APOC1: variants seen among roughly 807,000 people sequenced by gnomAD.
The protein encoded by APOC1 is apolipoprotein C1.
A neutral mutation model predicts 6.7 loss-of-function variants in APOC1; 4 were observed. The observed-to-expected ratio is 0.60, with a 90% CI of 0.29 to 1.37. APOC1 has a LOEUF of 1.37. APOC1 is among the 40% of genes most tolerant of loss of function. The pLI is 0.09. For synonymous variants in APOC1, 33 were observed against 40.6 expected, an observed-to-expected ratio of 0.81 and a Z score of 0.72; for missense variants, 122 against 99.4, an observed-to-expected ratio of 1.23 and a Z score of -0.97.
At position 44,916,140 on chromosome 19, in the gene APOC1, A is replaced by AAAAAAAAC. The variant is rs1969999704; in HGVS notation, c.59-43_59-42insCAAAAAAA. On this transcript the variant is annotated intron_variant, in intron 2 of 3. Transcript: ENST00000592535. ...CTACAGAGCAAGACTCCATCTCCAA[A>AAAAAAAAC]AAAAAAAAAAAAAAAACAAATTTTG... 5 of 1,312,056 alleles carry AAAAAAAAC rather than the reference A, an allele frequency of 3.8e-6. 1 individual carries two copies. The African/African-American group carries it at 4.7e-5, about 12-fold the overall frequency. 81.3% of individuals were successfully genotyped at this position (1,312,056 alleles called of 1,614,324 possible).
At chr19:44,914,797 TGAG>T (rs1399989809) in intron 1 of APOC1, 64 bp downstream of exon 1, 13 of 1,287,686 alleles carry the variant, frequency 1.0e-5, no homozygotes, top group Middle Eastern at 2.2e-4. Flanking sequence ...AAAAGGGAGA[TGAG>T]GGGATCGTGG....
At position 44,919,217 on chromosome 19, in the gene APOC1, A is replaced by G; in HGVS notation, c.239A>G (p.Lys80Arg). ...ETFQKVKEKL[K>R]IDS is the part of the protein sequence containing the mutation. ...TTTCAGAAAGTGAAGGAGAAACTCAAGATTGACTCATGAGGACCTGAAGGG... is the reference window on the plus strand; with the variant it reads ...TTTCAGAAAGTGAAGGAGAAACTCAGGATTGACTCATGAGGACCTGAAGGG... Residue 80 changes from lysine to arginine, a missense_variant, in exon 4 of 4, where the codon AAG (lysine) becomes AGG (arginine). Coordinates refer to ENST00000592535, the MANE Select transcript of APOC1 (RefSeq NM_001645.5). 1.2e-6 allele frequency: 2 copies of G among 1,613,918 alleles called. No individual in the cohort carries two copies. Among genetic ancestry groups the G allele is most frequent in the Non-Finnish European group, 1.7e-6 (2 of 1,179,812 alleles).
chr19:44,916,184 TGGCA>T lies in APOC1; in HGVS notation c.59-2_60del. The stretch of plus-strand genomic sequence containing the variant: ...AATTTTGAACCCCTGCCCATCTTCC[TGGCA>T]GGCCCAGCCCCAGCCCAGGGGACCC... On this transcript the variant is annotated splice_acceptor_variant and splice_polypyrimidine_tract_variant and intron_variant, in intron 2 of 3. Coordinates refer to ENST00000592535, the MANE Select transcript of APOC1 (RefSeq NM_001645.5). LOFTEE classifies it high-confidence loss of function. The T allele has an allele frequency of 7.3e-7, 1 of 1,370,014 alleles. No homozygotes were observed. The highest frequency in any genetic ancestry group is 9.8e-7 in the Non-Finnish European group (1 of 1,023,808). 84.9% of individuals were successfully genotyped at this position (1,370,014 alleles called of 1,614,324 possible).
chr19:44,916,778 C>T (rs906542947), intron 3 of APOC1, among the ~76,000 whole-genome samples: 1 of 141,556 alleles, frequency 7.1e-6, no homozygotes, highest in Admixed American at 7.5e-5. Flanking sequence ...CAACATTGTG[C>T]CAGCCTGGGT....
chr19:44,918,997 C>T, intron 3 of APOC1, 176 bp from the exon 4 acceptor site: 1 of 677,624 alleles, frequency 1.5e-6, no homozygotes, highest in Non-Finnish European at 2.7e-6. Flanking sequence ...TTTGGTCCAT[C>T]TGGGAAACTG....
In APOC1 at chr19:44,916,292, G is replaced by A. The variant is rs369438021; in HGVS notation, c.161G>A (p.Arg54His). 1.1e-5 allele frequency: 18 copies of A among 1,613,778 alleles called. No homozygotes were observed. The highest frequency in any genetic ancestry group is 2.7e-5 in the African/African-American group (2 of 74,830). The change falls in exon 3 of 4, where the codon CGC (arginine) becomes CAC (histidine). Residue 54 changes from arginine to histidine, a missense_variant. By Grantham distance (29) the Arg-to-His change is conservative. Coordinates refer to ENST00000592535, the MANE Select transcript of APOC1 (RefSeq NM_001645.5). The stretch of plus-strand genomic sequence containing the variant: ...GACAAGGCTCGGGAACTCATCAGCC[G>A]CATCAAACAGAGTGAACTTTCTGCC... ...LEDKARELIS[R>H]IKQSELSAKM...
At chr19:44,914,787 A>T (rs986304967) in intron 1 of APOC1, 54 bp downstream of exon 1, 2 of 1,216,788 alleles carry the variant, frequency 1.6e-6, no homozygotes, top group Non-Finnish European at 2.4e-6. Flanking sequence ...AAGAAACTCA[A>T]AAAGGGAGAT....
chr19:44,917,192 A>G (rs1970025117), intron 3 of APOC1, among the ~76,000 whole-genome samples: 1 of 152,210 alleles, frequency 6.6e-6, no homozygotes, highest in Admixed American at 6.6e-5. Context: ...TCAGTATATC[A>G]TGAAACCCAC....
At chr19:44,916,438 A>G (rs1299030094) in intron 3 of APOC1, 113 bp downstream of exon 3, 2 of 1,393,062 alleles carry the variant, frequency 1.4e-6, no homozygotes, top group Non-Finnish European at 9.8e-7. Context: ...AGAGGCTGAC[A>G]ACATCCCTCT....
Position 44,914,656 on chromosome 19 carries a change from C to T in APOC1, c.-98C>T, listed in dbSNP as rs1244819677. ...AGGAGGGAGATCAACATCAACCTGC[C>T]CCGCCCCCTCCCCAGCCTGATAAAG... is the stretch of plus-strand genomic sequence containing the variant. On this transcript the variant is annotated 5_prime_UTR_variant, in exon 1 of 4. Transcript: ENST00000592535. 1 of 551,698 alleles carries T rather than the reference C, an allele frequency of 1.8e-6. No homozygotes were observed. Among genetic ancestry groups the T allele is most frequent in the Non-Finnish European group, 3.3e-6 (1 of 306,064 alleles). The allele number at this position is 551,698 out of a possible 1,614,324, so 34.2% of individuals were successfully genotyped here.
At position 44,914,702 on chromosome 19, in the gene APOC1, C is replaced by T; in HGVS notation, c.-52C>T. ...TAAAGGTCCTGCGGGCAGGACAGGA[C>T]CTCCCAACCAAGCCCTCCAGCAAGG... On this transcript the variant is annotated 5_prime_UTR_variant, in exon 1 of 4. Transcript: ENST00000592535. 1.7e-6 allele frequency: 1 copy of T among 602,700 alleles called. No individual in the cohort carries two copies. The highest frequency in any genetic ancestry group is 1.8e-5 in the African/African-American group (1 of 54,160). The allele number at this position is 602,700 out of a possible 1,614,324, so 37.3% of individuals were successfully genotyped here. A position where few individuals can be genotyped will look rare whatever the true frequency, so the allele number is the denominator to read the frequency against.
rs376127005 is a variant in APOC1 at position 44,916,137 on chromosome 19, CAAAAA to C, written c.59-38_59-34del. On this transcript the variant is annotated intron_variant, in intron 2 of 3. Coordinates refer to ENST00000592535, the MANE Select transcript of APOC1 (RefSeq NM_001645.5). ...GGGCTACAGAGCAAGACTCCATCTC[CAAAAA>C]AAAAAAAAAAAAAACAAATTTTGAA... 3.2e-4 allele frequency: 288 copies of C among 899,878 alleles called. 1 individual carries two copies. The highest frequency in any genetic ancestry group is 2.0e-3 in the Admixed American group (40 of 20,040). The allele number at this position is 899,878 out of a possible 1,614,324, so 55.7% of individuals were successfully genotyped here. A position where few individuals can be genotyped will look rare whatever the true frequency, so the allele number is the denominator to read the frequency against.
At chr19:44,918,244 G>T (rs1246189642) in intron 3 of APOC1, among the ~76,000 whole-genome samples, 1 of 151,076 alleles carries the variant, frequency 6.6e-6, no homozygotes, top group African/African-American at 2.4e-5. Context: ...CTCCAGTCCA[G>T]GTGACAGAGC....
At chr19:44,918,936 G>A (rs571004094) in intron 3 of APOC1, 7 of 554,630 alleles carry the variant, frequency 1.3e-5, no homozygotes, top group Non-Finnish European at 2.2e-5. Context: ...TGGGATTACA[G>A]GCGTGAGCCA....
intron 3 of APOC1, among the ~76,000 whole-genome samples, chr19:44,918,359 T>C (rs1407502145): frequency 1.2e-4 from 7 of 57,952 alleles, no homozygotes; most frequent in South Asian, 4.8e-4. Flanking sequence ...TTTTTTTTTT[T>C]CTTTTTAAAT....
chr19:44,916,809 CA>C (rs1160183813), intron 3 of APOC1, among the ~76,000 whole-genome samples: 3,527 of 46,344 alleles, frequency 0.076, 64 homozygotes, highest in African/African-American at 0.2. Flanking sequence ...GACTCTGTCT[CA>C]AAAAAAAAAA....
intron 3 of APOC1, among the ~76,000 whole-genome samples, chr19:44,917,753 C>A (rs1970034455): frequency 6.6e-6 from 1 of 151,818 alleles, no homozygotes; most frequent in Non-Finnish European, 1.5e-5. Flanking sequence ...CCAAGGCAAG[C>A]AGATCACCTG....
At position 44,916,142 on chromosome 19, in the gene APOC1, A is replaced by AAAAAAAAAAAAC. The variant is rs1555791322; in HGVS notation, c.59-37_59-36insCAAAAAAAAAAA. ...ACAGAGCAAGACTCCATCTCCAAAAAAAAAAAAAAAAAAACAAATTTTGAA... is the reference window on the plus strand; with the variant it reads ...ACAGAGCAAGACTCCATCTCCAAAAAAAAAAAAAAAACAAAAAAAAAAAAAACAAATTTTGAA... On this transcript the variant is annotated intron_variant, in intron 2 of 3. Coordinates refer to ENST00000592535, the MANE Select transcript of APOC1 (RefSeq NM_001645.5). The AAAAAAAAAAAAC allele has an allele frequency of 2.7e-6, 4 of 1,456,924 alleles. No homozygotes were observed. In the African/African-American group the frequency reaches 6.0e-5, roughly 22 times the overall value. 90.2% of individuals were successfully genotyped at this position (1,456,924 alleles called of 1,614,324 possible). A position where few individuals can be genotyped will look rare whatever the true frequency, so the allele number is the denominator to read the frequency against.
At chr19:44,916,564 T>A (rs977818694) in intron 3 of APOC1, 12 of 573,560 alleles carry the variant, frequency 2.1e-5, no homozygotes, top group Non-Finnish European at 3.5e-5. Flanking sequence ...ATGCTTGCAA[T>A]CCCAGCACTT....
Sources: allele counts gnomAD v4.1 joint callset (sites outside exome capture counted in the v4.1 genomes callset), GRCh38; gene constraint gnomAD v4.1.1; transcripts MANE v1.5; gene names NCBI Gene and HGNC (gene_info 2026-07-23, HGNC 2026-07-21).